DNAH14: variants seen among roughly 807,000 people sequenced by gnomAD.
DNAH14 encodes dynein axonemal heavy chain 14, also known as axonemal beta dynein heavy chain 14.
Under a neutral mutation model 520.9 loss-of-function variants are expected in DNAH14, and 478 were observed. That is an observed-to-expected ratio of 0.92 (90% CI 0.85 to 0.99). The LOEUF (loss-of-function observed/expected upper bound fraction) is 0.99, where lower values mean the gene tolerates loss of function less well. Among genes scored for constraint, DNAH14 ranks in the 50% least tolerant of loss-of-function variants. The pLI, the probability that DNAH14 is intolerant of heterozygous loss-of-function variation, is 0.00. For synonymous variants in DNAH14, 1,581 were observed against 1,757.2 expected (o/e 0.90, Z 2.51); for missense variants, 4,831 against 5,234.5 (o/e 0.92, Z 2.38).
At chr1:225,242,500 T>G (rs990014200) in intron 43 of DNAH14, among the ~76,000 whole-genome samples, 1 of 152,152 alleles carries the variant, frequency 6.6e-6, no homozygotes, top group Non-Finnish European at 1.5e-5. Context: ...TTCATCAATA[T>G]CACTGTCTTC....
chr1:225,381,557 T>C lies in DNAH14; in HGVS notation c.13055T>C (p.Met4352Thr). The C allele has an allele frequency of 6.5e-7, 1 of 1,527,576 alleles. No individual in the cohort carries two copies. The highest frequency in any genetic ancestry group is 1.3e-5 in the South Asian group (1 of 79,360). 94.6% of individuals were successfully genotyped at this position (1,527,576 alleles called of 1,614,324 possible). The stretch of plus-strand genomic sequence containing the variant: ...GAAATATTTAACTCTTTTCTTAATA[T>C]GAGAGTGCCTACATTGTGGCAGGTA... Reference protein sequence around the residue: ...LEEIFNSFLNMRVPTLWQKHA... With the variant: ...LEEIFNSFLNTRVPTLWQKHA... The change falls in exon 81 of 86, where the codon ATG (methionine) becomes ACG (threonine). Residue 4352 changes from methionine to threonine, a missense_variant. Coordinates refer to ENST00000682510, the MANE Select transcript of DNAH14 (RefSeq NM_001367479.1).
chr1:225,117,577 T>G (rs1046856108), intron 23 of DNAH14, 107 bp from the exon 24 acceptor site: 1 of 664,710 alleles, frequency 1.5e-6, no homozygotes. Flanking sequence ...ATATATACCA[T>G]AACTAATATT....
At chr1:225,089,244 G>A (rs1185993698) in intron 21 of DNAH14, among the ~76,000 whole-genome samples, 2 of 152,160 alleles carry the variant, frequency 1.3e-5, no homozygotes, top group Admixed American at 1.3e-4. Context: ...AGGAGTTTGA[G>A]ACCAACCTGG....
chr1:225,240,489 A>C (rs1317301765), intron 42 of DNAH14, 104 bp from the exon 43 acceptor site: 1 of 723,390 alleles, frequency 1.4e-6, no homozygotes, highest in Admixed American at 3.1e-5. Flanking sequence ...ACTGCATTAC[A>C]ATTTTTAATA....
chr1:225,022,949 A>T (rs962215640), intron 10 of DNAH14, among the ~76,000 whole-genome samples: 6 of 152,174 alleles, frequency 3.9e-5, no homozygotes, highest in African/African-American at 1.4e-4. Flanking sequence ...CAGCAGCATG[A>T]TGCAGCTGGA....
intron 61 of DNAH14, among the ~76,000 whole-genome samples, chr1:225,319,521 T>G (rs1373700977): frequency 3.9e-5 from 6 of 152,180 alleles, no homozygotes; most frequent in Non-Finnish European, 8.8e-5. Flanking sequence ...AAGAAGAATT[T>G]TTTTGATCAA....
chr1:224,952,924 T>C (rs1369894767), intron 2 of DNAH14, 145 bp downstream of exon 2: 1 of 532,766 alleles, frequency 1.9e-6, no homozygotes, highest in East Asian at 4.1e-5. Flanking sequence ...AAAACCTTAG[T>C]TTCTCAGGGA....
intron 23 of DNAH14, among the ~76,000 whole-genome samples, chr1:225,106,376 C>A (rs1023239012): frequency 1.3e-5 from 2 of 151,744 alleles, no homozygotes; most frequent in Admixed American, 1.3e-4. Context: ...TTGCTCTTCT[C>A]GAGGAGTATC....
In DNAH14 at chr1:225,311,877, G is replaced by A. The variant is rs375499801; in HGVS notation, c.9240+3467G>A. Among the ~76,000 whole-genome samples, 18 of 152,170 alleles carry A rather than the reference G, an allele frequency of 1.2e-4. 1 individual carries two copies. The East Asian group carries it at 2.5e-3, about 21-fold the overall frequency. On this transcript the variant is annotated intron_variant, in intron 60 of 85. Coordinates refer to ENST00000682510, the MANE Select transcript of DNAH14 (RefSeq NM_001367479.1). ...GTAGTATACTTTGAAGTCAGGTAGC[G>A]TGATGCCTCCAGCTTTGTTCTTTTT...
At chr1:225,124,160 C>T (rs2077507586) in intron 27 of DNAH14, among the ~76,000 whole-genome samples, 1 of 152,146 alleles carries the variant, frequency 6.6e-6, no homozygotes, top group Non-Finnish European at 1.5e-5. Context: ...GAGCCTTCAG[C>T]AAGTCATAAT....
At chr1:225,143,526 T>C (rs1007376767) in intron 28 of DNAH14, among the ~76,000 whole-genome samples, 18 of 152,262 alleles carry the variant, frequency 1.2e-4, no homozygotes, top group African/African-American at 4.3e-4. Context: ...TACTACATGA[T>C]AGCATATGTT....
chr1:225,242,652 A>G (rs2092033876), intron 43 of DNAH14, among the ~76,000 whole-genome samples: 1 of 152,190 alleles, frequency 6.6e-6, no homozygotes, highest in Non-Finnish European at 1.5e-5. Flanking sequence ...TTTTATATAT[A>G]AATAGAAGGA....
intron 46 of DNAH14, among the ~76,000 whole-genome samples, chr1:225,261,712 G>A (rs2092942109): frequency 6.6e-6 from 1 of 152,030 alleles, no homozygotes; most frequent in Non-Finnish European, 1.5e-5. Flanking sequence ...TGGAGAAGGA[G>A]TGGTATTAGT....
chr1:225,308,065 T>C (rs547638378), intron 59 of DNAH14, among the ~76,000 whole-genome samples: 14 of 152,362 alleles, frequency 9.2e-5, no homozygotes, highest in Non-Finnish European at 1.3e-4. Flanking sequence ...ACAGAGCTTA[T>C]AAGAGGAGGC....
chr1:225,337,567 A>G (rs974145908), intron 67 of DNAH14, 71 bp downstream of exon 67: 5 of 1,235,980 alleles, frequency 4.0e-6, no homozygotes, highest in Admixed American at 2.1e-5. Context: ...CATAAAGGCT[A>G]AAAGTTTTCA....
rs1421652273 is a variant in DNAH14, at chr1:225,340,611, C to T, written c.10588C>T (p.Arg3530Cys). The T allele has an allele frequency of 1.1e-5, 17 of 1,551,302 alleles. No individual in the cohort carries two copies. Among genetic ancestry groups the T allele is most frequent in the East Asian group, 7.3e-5 (3 of 40,848 alleles). Residue 3530 changes from arginine to cysteine, a missense_variant, in exon 69 of 86, where the codon CGT (arginine) becomes TGT (cysteine). Transcript: ENST00000682510. ...THEVPHLEDQ[R>C]SKLLESISLD... Reference sequence around the variant, plus strand: ...TGAAGTTCCTCATTTAGAAGATCAACGTTCCAAGTTACTGGAGAGTATTTC... The same window carrying T: ...TGAAGTTCCTCATTTAGAAGATCAATGTTCCAAGTTACTGGAGAGTATTTC...
At chr1:225,390,780 C>T (rs149288421) in intron 83 of DNAH14, among the ~76,000 whole-genome samples, 147 of 152,266 alleles carry the variant, frequency 9.7e-4, no homozygotes, top group African/African-American at 3.1e-3. Context: ...TCATTTAAGT[C>T]TCATGACAAT....
intron 4 of DNAH14, among the ~76,000 whole-genome samples, chr1:224,963,691 A>G (rs961236611): frequency 9.2e-5 from 14 of 152,082 alleles, no homozygotes; most frequent in Admixed American, 8.5e-4. Context: ...CTTGTCAGAC[A>G]TACACAGTTT....
At chr1:225,358,443 A>G in intron 73 of DNAH14, 53 bp from the exon 74 acceptor site, 1 of 1,369,640 alleles carries the variant, frequency 7.3e-7, no homozygotes, top group East Asian at 2.6e-5. Flanking sequence ...CATAGGGAAT[A>G]TCTCTCTGGG....
Sources: gnomAD v4.1 joint callset for allele counts (sites outside exome capture counted in the v4.1 genomes callset) on GRCh38, gnomAD v4.1.1 for gene constraint, MANE v1.5 for transcripts, NCBI Gene and HGNC (gene_info 2026-07-23, HGNC 2026-07-21) for gene names.